HBP1: variants seen among roughly 807,000 people sequenced by gnomAD.
The protein encoded by HBP1 is HMG box-containing protein 1.
Under a neutral mutation model 62.6 loss-of-function variants are expected in HBP1, and 20 were observed. The ratio of observed to expected loss-of-function variants is 0.32; its 90% CI spans 0.22 to 0.46. HBP1 has a LOEUF of 0.46. HBP1 is among the 20% of genes least tolerant of loss of function. The pLI is 1.00. For missense variants in HBP1, 480 were observed against 611.8 expected (o/e 0.78, Z 2.27); for synonymous variants, 232 against 206.2 (o/e 1.12, Z -1.07).
chr7:107,178,405 C>A (rs769289447), intron 1 of HBP1, among the ~76,000 whole-genome samples: 1 of 150,102 alleles, frequency 6.7e-6, no homozygotes, highest in Non-Finnish European at 1.5e-5. Flanking sequence ...CTAATTCGAT[C>A]GTTGTCCAAA....
At position 107,186,594 on chromosome 7, in the gene HBP1, A is replaced by G; in HGVS notation, c.678A>G (p.Gly226=). The change falls in exon 6 of 11, where the codon GGA becomes GGG. Residue 226 remains glycine, a synonymous_variant. Transcript: ENST00000222574. The stretch of plus-strand genomic sequence containing the variant: ...GCACACGACTGTGCTTTCATAAGGG[A>G]AGCAATAAGGAATGGCAAGATGTTG... ...LKGTRLCFHK[G]SNKEWQDVED... 1 of 1,613,484 alleles carries G rather than the reference A, an allele frequency of 6.2e-7. No homozygotes were observed. Among genetic ancestry groups the G allele is most frequent in the African/African-American group, 1.3e-5 (1 of 75,050 alleles).
Position 107,189,348 on chromosome 7 carries a change from C to T in HBP1, c.822C>T (p.Gly274=), listed in dbSNP as rs747014538. 34 of 1,611,994 alleles carry T rather than the reference C, an allele frequency of 2.1e-5. No homozygotes were observed. Among genetic ancestry groups the T allele is most frequent in the Non-Finnish European group, 2.5e-5 (30 of 1,178,350 alleles). ...CACATGAAGAAAGTGTATCATTTGG[C>T]GAGTCTGTACTGAAGTTGACTTTTG... is the stretch of plus-strand genomic sequence containing the variant. ...LLSHEESVSF[G]ESVLKLTFDP... The change falls in exon 7 of 11, where the codon GGC becomes GGT. Residue 274 remains glycine, a synonymous_variant. Coordinates refer to ENST00000222574, the MANE Select transcript of HBP1 (RefSeq NM_012257.4).
intron 1 of HBP1, chr7:107,170,141 A>C: frequency 4.1e-6 from 4 of 985,340 alleles, no homozygotes; most frequent in Non-Finnish European, 4.8e-6. Context: ...GTAATACTCA[A>C]GTTTTCTGTT....
chr7:107,194,056 G>C lies in HBP1; in HGVS notation c.1068-1778G>C, dbSNP rs115955470. ...AAGTAGAGCTGTGAAAGGCACATTT[G>C]GGTACAGGTGCTTTAGTGAAGAGAA... On this transcript the variant is annotated intron_variant, in intron 8 of 10. Transcript: ENST00000222574. Among the ~76,000 whole-genome samples the C allele has an allele frequency of 2.7e-3, 408 of 152,298 alleles. 3 individuals carry two copies. Among genetic ancestry groups the C allele is most frequent in the African/African-American group, 9.2e-3 (382 of 41,568 alleles).
intron 3 of HBP1, among the ~76,000 whole-genome samples, chr7:107,185,597 C>T (rs1225899471): frequency 2.0e-5 from 3 of 151,964 alleles, no homozygotes; most frequent in South Asian, 2.1e-4. Flanking sequence ...CTGAAAAAAA[C>T]GATGTCTAAA....
At chr7:107,191,435 A>C (rs1276415402) in intron 8 of HBP1, among the ~76,000 whole-genome samples, 1 of 152,222 alleles carries the variant, frequency 6.6e-6, no homozygotes, top group Non-Finnish European at 1.5e-5. Flanking sequence ...ATTTTGGAAG[A>C]TAATTTGGCT....
intron 9 of HBP1, among the ~76,000 whole-genome samples, chr7:107,198,981 T>TATTG (rs1798064473): frequency 6.6e-6 from 1 of 152,220 alleles, no homozygotes; most frequent in Non-Finnish European, 1.5e-5. Flanking sequence ...TGTGAATATT[T>TATTG]ATTGATTTGT....
At chr7:107,178,629 A>C (rs1796968471) in intron 1 of HBP1, among the ~76,000 whole-genome samples, 1 of 152,184 alleles carries the variant, frequency 6.6e-6, no homozygotes, top group Non-Finnish European at 1.5e-5. Context: ...GGTATCTTTT[A>C]TTATGGCTAG....
At chr7:107,169,221 G>C in intron 1 of HBP1, 36 bp downstream of exon 1, 3 of 818,304 alleles carry the variant, frequency 3.7e-6, no homozygotes, top group Non-Finnish European at 4.8e-6. Flanking sequence ...AGGTGGGGGT[G>C]GGGAAGGGAG....
At chr7:107,174,701 A>AGTGC in intron 1 of HBP1, 1 of 984,848 alleles carries the variant, frequency 1.0e-6, no homozygotes, top group Non-Finnish European at 1.2e-6. Flanking sequence ...GATAGCTCTG[A>AGTGC]AGAGAGATAC....
intron 1 of HBP1, among the ~76,000 whole-genome samples, chr7:107,172,125 G>A (rs961339298): frequency 6.6e-6 from 1 of 151,212 alleles, no homozygotes; most frequent in Non-Finnish European, 1.5e-5. Flanking sequence ...ATTTTCTATA[G>A]AGAAACTAGA....
In HBP1 at chr7:107,201,679, A is replaced by G. The variant is rs529549920; in HGVS notation, c.*248A>G. ...TTTCTTCCAAACTTCATATATGTCTATCAGGTAATAATAGGCTTGAAAATT... is the reference window on the plus strand; with the variant it reads ...TTTCTTCCAAACTTCATATATGTCTGTCAGGTAATAATAGGCTTGAAAATT... On this transcript the variant is annotated 3_prime_UTR_variant, in exon 11 of 11. Transcript: ENST00000222574. The G allele has an allele frequency of 9.1e-5, 35 of 384,398 alleles. No homozygotes were observed. The highest frequency in any genetic ancestry group is 1.2e-4 in the Non-Finnish European group (26 of 214,074). The allele number at this position is 384,398 out of a possible 1,614,324, so 23.8% of individuals were successfully genotyped here. A position where few individuals can be genotyped will look rare whatever the true frequency, so the allele number is the denominator to read the frequency against.
At chr7:107,169,770 G>C (rs1796463117) in intron 1 of HBP1, 1 of 985,300 alleles carries the variant, frequency 1.0e-6, no homozygotes, top group African/African-American at 1.7e-5. Context: ...CTGAGCCGAG[G>C]GGAAAAACAA....
At chr7:107,199,974 C>A (rs1798148594) in intron 9 of HBP1, among the ~76,000 whole-genome samples, 186 bp from the exon 10 acceptor site, 1 of 152,186 alleles carries the variant, frequency 6.6e-6, no homozygotes, top group Non-Finnish European at 1.5e-5. Context: ...TGATACGGAA[C>A]AATGGATTAT....
intron 1 of HBP1, among the ~76,000 whole-genome samples, chr7:107,178,804 G>A (rs1323635724): frequency 6.6e-6 from 1 of 152,152 alleles, no homozygotes; most frequent in African/African-American, 2.4e-5. Context: ...AGGCCGAGGC[G>A]GGTGGATCAC....
chr7:107,189,221 A>C (rs979839978), intron 6 of HBP1, 71 bp from the exon 7 acceptor site: 2 of 1,290,724 alleles, frequency 1.5e-6, no homozygotes, highest in Non-Finnish European at 2.2e-6. Flanking sequence ...AAAGTCTTAC[A>C]TGTAATGGGA....
chr7:107,171,133 G>C (rs1196990325), intron 1 of HBP1, among the ~76,000 whole-genome samples: 3 of 139,336 alleles, frequency 2.2e-5, no homozygotes, highest in Non-Finnish European at 4.5e-5. Context: ...GCAGGGGTGC[G>C]ATCTCGGCTC....
chr7:107,175,222 A>T (rs1208706912), intron 1 of HBP1, among the ~76,000 whole-genome samples: 1 of 152,072 alleles, frequency 6.6e-6, no homozygotes, highest in African/African-American at 2.4e-5. Context: ...AAAAATCATC[A>T]GTGGTTCTTC....
chr7:107,187,126 G>A (rs1444500909), intron 6 of HBP1, among the ~76,000 whole-genome samples: 16 of 152,038 alleles, frequency 1.1e-4, no homozygotes, highest in Non-Finnish European at 2.2e-4. Flanking sequence ...GGTGGTGGGC[G>A]CCTGTAGTCC....
Sources: gnomAD v4.1 joint callset for allele counts (sites outside exome capture counted in the v4.1 genomes callset) on GRCh38, gnomAD v4.1.1 for gene constraint, MANE v1.5 for transcripts, NCBI Gene and HGNC (gene_info 2026-07-23, HGNC 2026-07-21) for gene names.